The following MKX variants were observed in gnomAD, a reference collection of about 807,000 sequenced individuals.
MKX encodes homeobox protein Mohawk.
A neutral mutation model predicts 36.0 loss-of-function variants in MKX; 13 were observed. The observed-to-expected ratio is 0.36, with a 90% CI of 0.24 to 0.57. The LOEUF is 0.57. Among genes scored for constraint, MKX ranks in the 20% least tolerant of loss-of-function variants. MKX has a pLI of 0.79. For missense variants in MKX, 458 were observed against 456.4 expected (o/e 1.00, Z -0.03); for synonymous variants, 176 against 178.3 (o/e 0.99, Z 0.10).
chr10:27,722,837 G>A (rs961084382), intron 5 of MKX, among the ~76,000 whole-genome samples: 2 of 152,094 alleles, frequency 1.3e-5, no homozygotes, highest in Non-Finnish European at 2.9e-5. Context: ...GAGAGACAAC[G>A]TGAGGTCAAA....
At chr10:27,705,683 C>G (rs553290397) in intron 5 of MKX, among the ~76,000 whole-genome samples, 10 of 152,236 alleles carry the variant, frequency 6.6e-5, no homozygotes, top group Admixed American at 2.0e-4. Context: ...AAAGGTAAAA[C>G]AAAGTAATTT....
chr10:27,719,067 C>G (rs923208486), intron 5 of MKX, among the ~76,000 whole-genome samples: 3 of 152,158 alleles, frequency 2.0e-5, no homozygotes, highest in African/African-American at 7.2e-5. Context: ...ACTGAATAAG[C>G]TTTATTAATT....
intron 5 of MKX, among the ~76,000 whole-genome samples, chr10:27,685,197 G>C (rs568809510): frequency 6.6e-6 from 1 of 150,488 alleles, no homozygotes; most frequent in Non-Finnish European, 1.5e-5. Flanking sequence ...TGTCAATAAA[G>C]CCACCTGCAA....
At chr10:27,676,446 C>T (rs561347523) in intron 5 of MKX, among the ~76,000 whole-genome samples, 19 of 148,450 alleles carry the variant, frequency 1.3e-4, no homozygotes, top group East Asian at 4.0e-4. Flanking sequence ...GCTGTGATCT[C>T]GGCTCACTGC....
intron 5 of MKX, among the ~76,000 whole-genome samples, chr10:27,724,553 G>A (rs949754391): frequency 6.6e-6 from 1 of 152,130 alleles, no homozygotes; most frequent in South Asian, 2.1e-4. Context: ...TGGTGTTGCT[G>A]CTTCAAACTG....
intron 5 of MKX, among the ~76,000 whole-genome samples, chr10:27,723,525 A>G (rs1362050823): frequency 1.3e-5 from 2 of 152,226 alleles, no homozygotes; most frequent in African/African-American, 2.4e-5. Flanking sequence ...GTGGATTCCA[A>G]CAGCCAGCCA....
chr10:27,737,648 G>A (rs1834807959), intron 3 of MKX, among the ~76,000 whole-genome samples: 1 of 152,054 alleles, frequency 6.6e-6, no homozygotes, highest in Non-Finnish European at 1.5e-5. Context: ...CTGTTGACCA[G>A]TACTGTCTCC....
At chr10:27,681,065 T>C (rs925973071) in intron 5 of MKX, among the ~76,000 whole-genome samples, 3 of 152,220 alleles carry the variant, frequency 2.0e-5, no homozygotes, top group African/African-American at 7.2e-5. Flanking sequence ...AAGATTATAA[T>C]GGAGCTGAAA....
chr10:27,709,853 G>C (rs1173019427), intron 5 of MKX, among the ~76,000 whole-genome samples: 4 of 152,142 alleles, frequency 2.6e-5, no homozygotes, highest in Non-Finnish European at 5.9e-5. Context: ...AACCACATAA[G>C]TCATTTAACA....
intron 5 of MKX, among the ~76,000 whole-genome samples, chr10:27,682,658 T>C (rs1040603953): frequency 2.0e-5 from 3 of 152,074 alleles, no homozygotes; most frequent in Non-Finnish European, 4.4e-5. Context: ...CCACCTCGGA[T>C]CATCAGGCAT....
chr10:27,677,407 A>G (rs370900626), intron 5 of MKX, among the ~76,000 whole-genome samples: 24 of 152,198 alleles, frequency 1.6e-4, no homozygotes, highest in Admixed American at 9.2e-4. Flanking sequence ...GAGCTCTAAG[A>G]CAGTCACAGA....
Position 27,673,075 on chromosome 10 carries a change from C to T in MKX, c.*2154G>A, listed in dbSNP as rs1377871603. 6.6e-6 allele frequency: 1 copy of T among 152,044 alleles called. No individual in the cohort carries two copies. The highest frequency in any genetic ancestry group is 2.4e-5 in the African/African-American group (1 of 41,464). 9.4% of individuals were successfully genotyped at this position (152,044 alleles called of 1,614,324 possible). On this transcript the variant is annotated 3_prime_UTR_variant, in exon 7 of 7. Coordinates refer to ENST00000419761, the MANE Select transcript of MKX (RefSeq NM_173576.3). ...AAAGGACTGGGGGGATTTTAATATC[C>T]AGAAAATGTTAAAGCAGCAAAAGAA...
chr10:27,689,330 A>G (rs982623811), intron 5 of MKX, among the ~76,000 whole-genome samples: 3 of 152,220 alleles, frequency 2.0e-5, no homozygotes, highest in South Asian at 4.1e-4. Flanking sequence ...TAGACATAAG[A>G]TGAATACTAC....
Position 27,743,471 on chromosome 10 carries a change from CG to C in MKX, c.-57del. 1 of 1,456,064 alleles carries C rather than the reference CG, an allele frequency of 6.9e-7. No homozygotes were observed. The highest frequency in any genetic ancestry group is 1.4e-5 in the South Asian group (1 of 70,582). The allele number at this position is 1,456,064 out of a possible 1,614,324, so 90.2% of individuals were successfully genotyped here. ...CCGCAGAGCCTCGGGGCTGGGCCGCCGGGAGCTCCGCAGCGGGGCTCGGCTT... is the reference window on the plus strand; with the variant it reads ...CCGCAGAGCCTCGGGGCTGGGCCGCCGGAGCTCCGCAGCGGGGCTCGGCTT... On this transcript the variant is annotated 5_prime_UTR_variant, in exon 2 of 7. Transcript: ENST00000419761.
At chr10:27,738,374 A>G (rs951064406) in intron 3 of MKX, among the ~76,000 whole-genome samples, 3 of 152,044 alleles carry the variant, frequency 2.0e-5, no homozygotes, top group Non-Finnish European at 2.9e-5. Flanking sequence ...AGGTAAAAAT[A>G]TCGGTTCAAA....
chr10:27,734,707 G>A lies in MKX; in HGVS notation c.587C>T (p.Ser196Leu), dbSNP rs772891422. The A allele has an allele frequency of 1.1e-5, 18 of 1,613,980 alleles. No homozygotes were observed. The highest frequency in any genetic ancestry group is 1.4e-5 in the Non-Finnish European group (17 of 1,179,992). ...VHHPVIKSEN[S>L]VIKAGVRPES... ...TGGCCTCACTCCCGCTTTGATGACC[G>A]AATTCTCACTTTTAATCACAGGATG... Residue 196 changes from serine to leucine, a missense_variant, in exon 5 of 7, where the codon TCG becomes TTG. Ser to Leu is a moderately radical substitution (Grantham distance 145). Coordinates refer to ENST00000419761, the MANE Select transcript of MKX (RefSeq NM_173576.3).
chr10:27,695,175 C>G (rs1836531730), intron 5 of MKX, among the ~76,000 whole-genome samples: 2 of 152,152 alleles, frequency 1.3e-5, no homozygotes, highest in South Asian at 4.1e-4. Context: ...TAATGGCCAG[C>G]AGTAGCGTGC....
Position 27,735,368 on chromosome 10 carries a change from T to C in MKX, c.355A>G (p.Asn119Asp), listed in dbSNP as rs1301644680. 5 of 1,611,012 alleles carry C rather than the reference T, an allele frequency of 3.1e-6. No individual in the cohort carries two copies. The highest frequency in any genetic ancestry group is 2.5e-6 in the Non-Finnish European group (3 of 1,179,020). The change falls in exon 4 of 7, where the codon AAT (asparagine) becomes GAT (aspartate). Residue 119 changes from asparagine (N) to aspartate (D), a missense_variant. Coordinates refer to ENST00000419761, the MANE Select transcript of MKX (RefSeq NM_173576.3). ...CGACGTCTTGCATTAGCAAACCAAT[T>C]TGACACCTAAAACAGTATTATTTTT... ...GSQMTLVQVS[N>D]WFANARRRLK...
intron 5 of MKX, among the ~76,000 whole-genome samples, chr10:27,690,841 T>C (rs1290329721): frequency 6.6e-6 from 1 of 152,196 alleles, no homozygotes; most frequent in African/African-American, 2.4e-5. Flanking sequence ...AATCTCATCT[T>C]GAATTGTAAT....
Sources: gnomAD v4.1 joint callset for allele counts (sites outside exome capture counted in the v4.1 genomes callset) on GRCh38, gnomAD v4.1.1 for gene constraint, MANE v1.5 for transcripts, NCBI Gene and HGNC (gene_info 2026-07-23, HGNC 2026-07-21) for gene names.